The following SDK1 variants were observed in gnomAD, a reference collection of about 807,000 sequenced individuals.
The protein encoded by SDK1 is protein sidekick-1.
In SDK1, 157 loss-of-function variants were observed where a neutral mutation model predicts 245.5. The observed-to-expected ratio is 0.64, with a 90% CI of 0.56 to 0.73. The LOEUF is 0.73. Ranked by LOEUF, SDK1 falls within the 30% of genes least tolerant of loss-of-function variation. The pLI is 0.00. For synonymous variants in SDK1, 1,647 were observed against 1,278.5 expected, an observed-to-expected ratio of 1.29 and a Z score of -6.15; for missense variants, 3,583 against 3,002.3, an observed-to-expected ratio of 1.19 and a Z score of -4.52.
At chr7:3,641,581 A>G (rs927365269) in intron 3 of SDK1, among the ~76,000 whole-genome samples, 9 of 152,168 alleles carry the variant, frequency 5.9e-5, no homozygotes, top group African/African-American at 1.7e-4. Context: ...AAGATTTAGG[A>G]GCTAGGAGAT....
In SDK1 at chr7:3,852,141, C is replaced by T. The variant is rs200346524; in HGVS notation, c.847+30558C>T. Among the ~76,000 whole-genome samples the T allele has an allele frequency of 5.8e-4, 87 of 149,470 alleles. No individual in the cohort carries two copies. The East Asian group carries it at 0.016, about 27-fold the overall frequency. On this transcript the variant is annotated intron_variant, in intron 5 of 44. Transcript: ENST00000404826. The stretch of plus-strand genomic sequence containing the variant: ...CTCAGTGCCAGTTCTCAGCACCTCG[C>T]GGATAATGAGCTTTGGACGAGAGTG...
intron 1 of SDK1, among the ~76,000 whole-genome samples, chr7:3,329,162 T>C (rs1285087557): frequency 6.6e-6 from 1 of 152,182 alleles, no homozygotes; most frequent in Non-Finnish European, 1.5e-5. Context: ...GAAAAGGTTA[T>C]ATATGTATGA....
intron 5 of SDK1, among the ~76,000 whole-genome samples, chr7:3,910,796 C>T (rs1002169667): frequency 1.3e-5 from 2 of 152,222 alleles, no homozygotes; most frequent in African/African-American, 4.8e-5. Flanking sequence ...CCTTGCATCC[C>T]TCGTGATCAA....
At chr7:3,656,933 G>C (rs1033185687) in intron 4 of SDK1, among the ~76,000 whole-genome samples, 9 of 151,582 alleles carry the variant, frequency 5.9e-5, no homozygotes, top group African/African-American at 1.9e-4. Context: ...ATTTTTAGTA[G>C]AGACGGGGTT....
At chr7:4,093,114 CA>C (rs112420971) in intron 22 of SDK1, among the ~76,000 whole-genome samples, 30 of 142,736 alleles carry the variant, frequency 2.1e-4, no homozygotes, top group African/African-American at 2.3e-4. Flanking sequence ...TGTGGGTTGC[CA>C]AAAAAAAAAG....
At chr7:3,490,569 C>T (rs1259802421) in intron 1 of SDK1, among the ~76,000 whole-genome samples, 1 of 152,180 alleles carries the variant, frequency 6.6e-6, no homozygotes, top group Non-Finnish European at 1.5e-5. Context: ...ATATAGAATT[C>T]TGTGACTTCC....
At chr7:3,563,399 G>T (rs1277547189) in intron 1 of SDK1, among the ~76,000 whole-genome samples, 1 of 152,090 alleles carries the variant, frequency 6.6e-6, no homozygotes, top group Admixed American at 6.5e-5. Flanking sequence ...GGAAATAAAA[G>T]GATGGAAGAG....
At chr7:3,352,149 T>C (rs939545199) in intron 1 of SDK1, among the ~76,000 whole-genome samples, 1 of 148,790 alleles carries the variant, frequency 6.7e-6, no homozygotes, top group Non-Finnish European at 1.5e-5. Flanking sequence ...TATAAATATA[T>C]ATTTATAAAA....
At chr7:3,350,195 C>G (rs139895058) in intron 1 of SDK1, among the ~76,000 whole-genome samples, 2 of 152,234 alleles carry the variant, frequency 1.3e-5, no homozygotes, top group Non-Finnish European at 2.9e-5. Flanking sequence ...GACACTCAGT[C>G]TATCAGAAAA....
At chr7:3,618,040 T>C (rs996949661) in intron 1 of SDK1, among the ~76,000 whole-genome samples, 2 of 152,120 alleles carry the variant, frequency 1.3e-5, no homozygotes, top group Non-Finnish European at 2.9e-5. Flanking sequence ...TGACGAGTCA[T>C]ATAATCCTGT....
chr7:4,006,691 A>G (rs373532595), intron 14 of SDK1, among the ~76,000 whole-genome samples: 20 of 152,260 alleles, frequency 1.3e-4, no homozygotes, highest in South Asian at 4.2e-4. Context: ...CAGACCTTTT[A>G]TTTTCTAGTG....
At chr7:3,794,988 G>A (rs1225847188) in intron 4 of SDK1, among the ~76,000 whole-genome samples, 4 of 151,834 alleles carry the variant, frequency 2.6e-5, no homozygotes, top group Non-Finnish European at 4.4e-5. Flanking sequence ...TATTAAGGAC[G>A]AACTCTGTGC....
intron 5 of SDK1, among the ~76,000 whole-genome samples, chr7:3,864,516 G>T (rs1013843441): frequency 1.3e-5 from 2 of 152,162 alleles, no homozygotes; most frequent in Non-Finnish European, 2.9e-5. Context: ...CTAATACACG[G>T]ATATTAGAGA....
intron 4 of SDK1, among the ~76,000 whole-genome samples, chr7:3,669,056 G>T (rs561915535): frequency 2.0e-5 from 3 of 152,294 alleles, no homozygotes; most frequent in African/African-American, 7.2e-5. Flanking sequence ...AAAGCTCTTT[G>T]AGAGAATCTA....
chr7:3,439,655 G>C (rs187686995), intron 1 of SDK1, among the ~76,000 whole-genome samples: 1 of 152,296 alleles, frequency 6.6e-6, no homozygotes, highest in Admixed American at 6.5e-5. Flanking sequence ...TTCTCTTTTT[G>C]AATTTGTTTC....
chr7:3,524,171 C>A (rs1483148056), intron 1 of SDK1, among the ~76,000 whole-genome samples: 1 of 152,168 alleles, frequency 6.6e-6, no homozygotes, highest in African/African-American at 2.4e-5. Flanking sequence ...GAAGAAACAC[C>A]CGCATTAATT....
At chr7:3,716,470 C>T (rs895278092) in intron 4 of SDK1, among the ~76,000 whole-genome samples, 4 of 152,100 alleles carry the variant, frequency 2.6e-5, no homozygotes, top group Admixed American at 2.6e-4. Flanking sequence ...TGAGGGGAGG[C>T]CACGTGTTAT....
intron 28 of SDK1, among the ~76,000 whole-genome samples, chr7:4,133,376 G>T (rs370954811): frequency 1.3e-5 from 2 of 152,212 alleles, no homozygotes; most frequent in African/African-American, 2.4e-5. Flanking sequence ...TATGTACAGT[G>T]GGGGGTGAGG....
chr7:3,951,877 C>T lies in SDK1; in HGVS notation c.1107C>T (p.Ser369=), dbSNP rs772013334. 1.5e-5 allele frequency: 25 copies of T among 1,613,568 alleles called. No individual in the cohort carries two copies. The highest frequency in any genetic ancestry group is 5.5e-5 in the South Asian group (5 of 91,084). Residue 369 remains serine (S), a synonymous_variant, in exon 7 of 45, where the codon AGC becomes AGT. Coordinates refer to ENST00000404826, the MANE Select transcript of SDK1 (RefSeq NM_152744.4). ...TCTGCGAGGCGGCGCTGCCGGGGAG[C>T]GCTTTTGAACCGGCCAGGGCGACGG... The part of the protein sequence containing the change: ...PYVCEAALPG[S]AFEPARATAF...
Sources: gnomAD v4.1 joint callset for allele counts (sites outside exome capture counted in the v4.1 genomes callset) on GRCh38, gnomAD v4.1.1 for gene constraint, MANE v1.5 for transcripts, NCBI Gene and HGNC (gene_info 2026-07-23, HGNC 2026-07-21) for gene names.